TULP1: variants seen among roughly 807,000 people sequenced by gnomAD.
The protein encoded by TULP1 is tubby-related protein 1.
In TULP1, 50 loss-of-function variants were observed where a neutral mutation model predicts 67.1. That is an observed-to-expected ratio of 0.75 (90% CI 0.59 to 0.94). The LOEUF (loss-of-function observed/expected upper bound fraction) is 0.94, where lower values mean the gene tolerates loss of function less well. Ranked by LOEUF, TULP1 falls within the 40% of genes least tolerant of loss-of-function variation. The pLI, the probability that TULP1 is intolerant of heterozygous loss-of-function variation, is 0.00. For synonymous variants in TULP1, 297 were observed against 294.0 expected (o/e 1.01, Z -0.11); for missense variants, 746 against 734.1 (o/e 1.02, Z -0.19).
rs755825637 is a variant in TULP1, at chr6:35,512,148, GGGGGTCCACC to G, written c.190+22_190+31del. Reference sequence around the variant, plus strand: ...CCCTCCCTTCCGCAGCCCACACCCTGGGGGTCCACCCGGGCTCTGCACCCCGCCCACCTCC... The same window carrying G: ...CCCTCCCTTCCGCAGCCCACACCCTGCGGGCTCTGCACCCCGCCCACCTCC... On this transcript the variant is annotated intron_variant, in intron 3 of 14. Coordinates refer to ENST00000229771, the MANE Select transcript of TULP1 (RefSeq NM_003322.6). 3.9e-6 allele frequency: 5 copies of G among 1,293,038 alleles called. No individual in the cohort carries two copies. The South Asian group carries it at 1.2e-4, about 30-fold the overall frequency. 80.1% of individuals were successfully genotyped at this position (1,293,038 alleles called of 1,614,324 possible).
chr6:35,497,916 C>T lies in TULP1; in HGVS notation c.*411G>A, dbSNP rs1024145659. ...TTTATTGGGGATGTGGGTGCCTGGC[C>T]CTCGTCCCCCATCACCTACCCCCTC... is the stretch of plus-strand genomic sequence containing the variant. On this transcript the variant is annotated 3_prime_UTR_variant, in exon 15 of 15. Coordinates refer to ENST00000229771, the MANE Select transcript of TULP1 (RefSeq NM_003322.6). 7.6e-6 allele frequency: 2 copies of T among 264,890 alleles called. No homozygotes were observed. Among genetic ancestry groups the T allele is most frequent in the Admixed American group, 4.9e-5 (1 of 20,312 alleles). The allele number at this position is 264,890 out of a possible 1,614,324, so 16.4% of individuals were successfully genotyped here.
At chr6:35,502,123 C>G (rs1760978720) in intron 13 of TULP1, among the ~76,000 whole-genome samples, 1 of 152,114 alleles carries the variant, frequency 6.6e-6, no homozygotes, top group African/African-American at 2.4e-5. Flanking sequence ...TTGAGACTTA[C>G]ACACTTATTA....
chr6:35,510,426 G>A (rs940574945), intron 5 of TULP1, among the ~76,000 whole-genome samples: 1 of 152,116 alleles, frequency 6.6e-6, no homozygotes. Flanking sequence ...CTGCTTCAGA[G>A]GCCCAAGGTC....
rs1488084214 is a variant in TULP1 at position 35,503,322 on chromosome 6, A to C, written c.1323+237T>G. 3 of 544,494 alleles carry C rather than the reference A, an allele frequency of 5.5e-6. No individual in the cohort carries two copies. Among genetic ancestry groups the C allele is most frequent in the Non-Finnish European group, 1.0e-5 (3 of 301,474 alleles). 33.7% of individuals were successfully genotyped at this position (544,494 alleles called of 1,614,324 possible). On this transcript the variant is annotated intron_variant, in intron 13 of 14. Coordinates refer to ENST00000229771, the MANE Select transcript of TULP1 (RefSeq NM_003322.6). The surrounding 1 kb of genome is among the most constrained non-coding windows in gnomAD (Gnocchi z 4.0). ...GGCACTCAATATGTGTGGTCAATGA[A>C]GATATGAATGGATGTAATATATGAA...
intron 14 of TULP1, among the ~76,000 whole-genome samples, chr6:35,499,738 G>A (rs563731125): frequency 5.1e-4 from 77 of 152,286 alleles, no homozygotes; most frequent in African/African-American, 1.8e-3. Flanking sequence ...CTAACCCACT[G>A]CTCTGGCCAA....
intron 5 of TULP1, chr6:35,510,627 C>T (rs1761176126): frequency 2.6e-6 from 2 of 783,186 alleles, no homozygotes. Context: ...CTCTGTCCTC[C>T]TCTGCCTCAC....
Position 35,506,095 on chromosome 6 carries a change from G to T in TULP1, c.907C>A (p.Arg303Ser). Residue 303 changes from arginine (R) to serine (S), a missense_variant, in exon 10 of 15, where the codon CGC (arginine) becomes AGC (serine). Around this residue, in one of 3 missense-constraint regions of TULP1, gnomAD observed 383 missense variants for 374.1 expected, o/e 1.02. Transcript: ENST00000229771. Reference protein sequence around the residue: ...EFVLRPAPQGRTVRCRLTRDK... With the variant: ...EFVLRPAPQGSTVRCRLTRDK... ...CGGGTCAGCCGGCAGCGCACCGTGC[G>T]GCCCTGGGGGGCAGGCCGGAGCACA... 3 of 1,613,622 alleles carry T rather than the reference G, an allele frequency of 1.9e-6. No individual in the cohort carries two copies. The highest frequency in any genetic ancestry group is 1.7e-5 in the Admixed American group (1 of 60,026).
chr6:35,510,810 A>C (rs201133865), intron 5 of TULP1, 51 bp downstream of exon 5: 295 of 1,611,120 alleles, frequency 1.8e-4, no homozygotes, highest in Non-Finnish European at 2.4e-4. Flanking sequence ...CCCTCCAAGG[A>C]CAGGGCTGTT....
At chr6:35,499,055 G>A (rs1435667170) in intron 14 of TULP1, among the ~76,000 whole-genome samples, 1 of 152,178 alleles carries the variant, frequency 6.6e-6, no homozygotes, top group Non-Finnish European at 1.5e-5. Flanking sequence ...CAGGACAGGT[G>A]GCACTGGGGG....
chr6:35,510,368 T>C lies in TULP1; in HGVS notation c.500-440A>G, dbSNP rs79889697. On this transcript the variant is annotated intron_variant, in intron 5 of 14. Transcript: ENST00000229771. ...CCTCTGAATCCTGCCTTTTGTCCCA[T>C]GTCCTCCAGGAAACCTTCTCTGGTC... Among the ~76,000 whole-genome samples, 200 of 152,278 alleles carry C rather than the reference T, an allele frequency of 1.3e-3. 3 individuals carry two copies. In the East Asian group the frequency reaches 0.035, roughly 26 times the overall value.
chr6:35,512,700 G>C lies in TULP1; in HGVS notation c.48-10C>G. 2 of 1,613,926 alleles carry C rather than the reference G, an allele frequency of 1.2e-6. No individual in the cohort carries two copies. The highest frequency in any genetic ancestry group is 1.7e-6 in the Non-Finnish European group (2 of 1,179,988). On this transcript the variant is annotated splice_polypyrimidine_tract_variant and intron_variant, in intron 1 of 14. Transcript: ENST00000229771. Reference sequence around the variant, plus strand: ...TTCTTCTTCATGCCCACTGAGGGTAGCAAAGGGATCAGCCTGTCTCCCTTC... The same window carrying C: ...TTCTTCTTCATGCCCACTGAGGGTACCAAAGGGATCAGCCTGTCTCCCTTC...
rs1768755289 is a variant in TULP1, at chr6:35,498,455, A to G, written c.1501T>C (p.Tyr501His). 1 of 1,613,872 alleles carries G rather than the reference A, an allele frequency of 6.2e-7. No homozygotes were observed. Among genetic ancestry groups the G allele is most frequent in the African/African-American group, 1.3e-5 (1 of 75,048 alleles). ...FQIVHADDPD[Y>H]IVLQFGRVAE... ...ACGCGGCCGAACTGCAGCACGATAT[A>G]GTCGGCTATGGACACAAGACGGGGT... The change falls in exon 15 of 15, where the codon TAT becomes CAT. Residue 501 changes from tyrosine to histidine, a missense_variant. Tyr to His is a moderately conservative substitution (Grantham distance 83). Around this residue, in one of 3 missense-constraint regions of TULP1, gnomAD observed 383 missense variants for 374.1 expected, o/e 1.02. Coordinates refer to ENST00000229771, the MANE Select transcript of TULP1 (RefSeq NM_003322.6). This position sits in a 1 kb window ranked among gnomAD's most constrained non-coding sequence, Gnocchi z 6.7.
At position 35,498,402 on chromosome 6, in the gene TULP1, G is replaced by A. The variant is rs1768751174; in HGVS notation, c.1554C>T (p.Tyr518=). 4.3e-6 allele frequency: 7 copies of A among 1,613,876 alleles called. No individual in the cohort carries two copies. In the Admixed American group the frequency reaches 1.0e-4, roughly 23 times the overall value. ...RVAEDAFTLD[Y]RYPLCALQAF... ...CCTGCAGGGCGCACAGCGGGTACCG[G>A]TAGTCTAGGGTGAAGGCGTCCTCCG... The change falls in exon 15 of 15, where the codon TAC becomes TAT. Residue 518 remains tyrosine (Y), a synonymous_variant. Coordinates refer to ENST00000229771, the MANE Select transcript of TULP1 (RefSeq NM_003322.6). This position sits in a 1 kb window ranked among gnomAD's most constrained non-coding sequence, Gnocchi z 6.7.
chr6:35,512,659 C>A lies in TULP1; in HGVS notation c.79G>T (p.Ala27Ser). Residue 27 changes from alanine (A) to serine (S), a missense_variant, in exon 2 of 15, where the codon GCC becomes TCC. Physicochemically the swap from Ala to Ser is moderately conservative, Grantham distance 99 (BLOSUM62 1). This residue lies in a region of TULP1 where 359 missense variants were observed against 341.9 expected (regional missense o/e 1.05). Transcript: ENST00000229771. ...GHEEESLSPE[A>S]PRRPKQRPAP... ...CATACCTGTTTGGGGCGCCGCGGGG[C>A]CTCCGGGCTCAGGCTTTCTTCTTCA... The A allele has an allele frequency of 6.2e-7, 1 of 1,614,078 alleles. No individual in the cohort carries two copies. The highest frequency in any genetic ancestry group is 8.5e-7 in the Non-Finnish European group (1 of 1,180,006).
chr6:35,512,772 CCCCAGGGTTCAGGTG>C (rs777458961), intron 1 of TULP1, 25 bp downstream of exon 1: 745 of 1,608,058 alleles, frequency 4.6e-4, no homozygotes, highest in Admixed American at 6.0e-4. Flanking sequence ...CATCTAGGCC[CCCCAGGGTTCAGGTG>C]CCACGAACTG....
At chr6:35,511,263 C>T (rs1211462386) in intron 4 of TULP1, among the ~76,000 whole-genome samples, 3 of 152,170 alleles carry the variant, frequency 2.0e-5, no homozygotes, top group Non-Finnish European at 2.9e-5. Flanking sequence ...CTCTCTCCTC[C>T]TGAGACCCTC....
intron 3 of TULP1, 47 bp from the exon 4 acceptor site, chr6:35,511,853 C>G (rs1180583587): frequency 6.7e-7 from 1 of 1,483,528 alleles, no homozygotes; most frequent in African/African-American, 1.4e-5. Context: ...CGCGGGTCCG[C>G]GAGGCAGCGC....
In TULP1 at chr6:35,512,625, G is replaced by A. The variant is rs1275728792; in HGVS notation, c.99+14C>T. The A allele has an allele frequency of 6.2e-7, 1 of 1,614,018 alleles. No individual in the cohort carries two copies. The highest frequency in any genetic ancestry group is 1.1e-5 in the South Asian group (1 of 91,086). On this transcript the variant is annotated intron_variant, in intron 2 of 14. Coordinates refer to ENST00000229771, the MANE Select transcript of TULP1 (RefSeq NM_003322.6). ...GGACATCTTTCTGCTTCCTTTCCAA[G>A]TGGGGTGGCATACCTGTTTGGGGCG...
intron 13 of TULP1, among the ~76,000 whole-genome samples, chr6:35,502,399 G>A (rs1374244060): frequency 6.6e-6 from 1 of 152,014 alleles, no homozygotes; most frequent in Non-Finnish European, 1.5e-5. Flanking sequence ...TTACCACGTT[G>A]GCCAGGCTGG....
Sources: gnomAD v4.1 joint callset for allele counts (sites outside exome capture counted in the v4.1 genomes callset) on GRCh38, gnomAD v4.1.1 for gene constraint, gnomAD v4.1.1 regional missense constraint, Gnocchi (gnomAD v3.1) non-coding constraint, MANE v1.5 for transcripts, NCBI Gene and HGNC (gene_info 2026-07-23, HGNC 2026-07-21) for gene names.